Variants in COL28A1 observed in about 807,000 individuals in gnomAD.
The protein encoded by COL28A1 is collagen alpha-1(XXVIII) chain.
A neutral mutation model predicts 150.2 loss-of-function variants in COL28A1; 161 were observed. The ratio of observed to expected loss-of-function variants is 1.07; its 90% confidence interval spans 0.94 to 1.22. COL28A1 has a LOEUF of 1.22. Ranked by LOEUF, COL28A1 falls within the 50% of genes most tolerant of loss-of-function variation. The pLI is 0.00. For synonymous variants in COL28A1, 552 were observed against 469.7 expected, an observed-to-expected ratio of 1.18 and a Z score of -2.26; for missense variants, 1,617 against 1,388.3, an observed-to-expected ratio of 1.16 and a Z score of -2.62.
chr7:7,447,074 A>C (rs1786319621), intron 18 of COL28A1, among the ~76,000 whole-genome samples: 1 of 152,194 alleles, frequency 6.6e-6, no homozygotes, highest in Non-Finnish European at 1.5e-5. Flanking sequence ...TGAGGGCATA[A>C]ATTGGAGTTC....
At chr7:7,453,645 G>A in intron 16 of COL28A1, 137 bp from the exon 17 acceptor site, 2 of 610,336 alleles carry the variant, frequency 3.3e-6, no homozygotes, top group East Asian at 3.1e-5. Flanking sequence ...GCCAGGGGCT[G>A]CTAGTTAAAC....
intron 11 of COL28A1, among the ~76,000 whole-genome samples, chr7:7,501,394 T>C (rs1344545857): frequency 6.6e-6 from 1 of 152,208 alleles, no homozygotes; most frequent in East Asian, 1.9e-4. Context: ...GAAGCTCTAA[T>C]GCTGGGGTAC....
chr7:7,533,871 T>C lies in COL28A1; in HGVS notation c.-37-959A>G, dbSNP rs567983796. ...GCTTATTTCGAATCAATACTTAGTATGGCTTAAAAATGCTTGCCTGCTGAA... is the reference window on the plus strand; with the variant it reads ...GCTTATTTCGAATCAATACTTAGTACGGCTTAAAAATGCTTGCCTGCTGAA... On this transcript the variant is annotated intron_variant, in intron 1 of 34. Coordinates refer to ENST00000399429, the MANE Select transcript of COL28A1 (RefSeq NM_001037763.3). Among the ~76,000 whole-genome samples the C allele has an allele frequency of 9.8e-5, 15 of 152,314 alleles. No homozygotes were observed. The South Asian group carries it at 2.5e-3, about 25-fold the overall frequency.
intron 33 of COL28A1, among the ~76,000 whole-genome samples, chr7:7,362,501 G>C (rs898707790): frequency 2.0e-5 from 3 of 151,750 alleles, no homozygotes; most frequent in African/African-American, 7.3e-5. Context: ...GATTTTTTTT[G>C]TGTGTGCATG....
chr7:7,524,635 A>C (rs1781922154), intron 3 of COL28A1, among the ~76,000 whole-genome samples: 1 of 152,164 alleles, frequency 6.6e-6, no homozygotes, highest in African/African-American at 2.4e-5. Context: ...GTATATTTTC[A>C]ATTTTTTCCA....
chr7:7,417,060 C>T (rs749279184), intron 27 of COL28A1, among the ~76,000 whole-genome samples: 6 of 151,508 alleles, frequency 4.0e-5, no homozygotes, highest in Non-Finnish European at 8.8e-5. Flanking sequence ...GCAGTGGAAT[C>T]GGAAAAAAAG....
chr7:7,411,634 C>T (rs1241112281), intron 27 of COL28A1, among the ~76,000 whole-genome samples: 1 of 152,146 alleles, frequency 6.6e-6, no homozygotes, highest in African/African-American at 2.4e-5. Flanking sequence ...ATTCTCTGGC[C>T]CTGGCTTTGC....
At chr7:7,469,555 A>G (rs1658206844) in intron 15 of COL28A1, among the ~76,000 whole-genome samples, 1 of 93,034 alleles carries the variant, frequency 1.1e-5, no homozygotes. Flanking sequence ...TACAGATTCA[A>G]TGCCATCCCC....
At chr7:7,380,475 T>C (rs1261629247) in intron 30 of COL28A1, among the ~76,000 whole-genome samples, 185 bp downstream of exon 30, 2 of 152,122 alleles carry the variant, frequency 1.3e-5, no homozygotes, top group East Asian at 3.9e-4. Flanking sequence ...GTTTTATCTC[T>C]CCCCTCATAG....
intron 21 of COL28A1, among the ~76,000 whole-genome samples, chr7:7,437,983 C>A (rs1785466701): frequency 6.9e-6 from 1 of 144,350 alleles, no homozygotes; most frequent in African/African-American, 2.8e-5. Flanking sequence ...ACCTGTAATC[C>A]CAGCCTTTGG....
the COL28A1 span, among the ~76,000 whole-genome samples, chr7:7,339,532 T>A: frequency 6.6e-6 from 1 of 152,154 alleles, no homozygotes; most frequent in African/African-American, 2.4e-5. Context: ...GGCAGACTTC[T>A]CTTTGATTTT....
chr7:7,363,325 G>A (rs1002824145), intron 33 of COL28A1, among the ~76,000 whole-genome samples: 1 of 152,038 alleles, frequency 6.6e-6, no homozygotes, highest in Admixed American at 6.5e-5. Flanking sequence ...GCTTAGGAAT[G>A]TGTGTTTCCA....
At chr7:7,448,438 A>C (rs540038893) in intron 18 of COL28A1, among the ~76,000 whole-genome samples, 1 of 152,162 alleles carries the variant, frequency 6.6e-6, no homozygotes, top group Admixed American at 6.5e-5. Flanking sequence ...TGCACACTAT[A>C]ATTCTATAAC....
At chr7:7,405,792 T>C (rs574518782) in intron 27 of COL28A1, among the ~76,000 whole-genome samples, 3 of 152,266 alleles carry the variant, frequency 2.0e-5, no homozygotes, top group East Asian at 3.9e-4. Flanking sequence ...TGTAACAATA[T>C]TGCATAATGA....
At chr7:7,392,461 C>T (rs1782602134) in intron 27 of COL28A1, among the ~76,000 whole-genome samples, 1 of 152,070 alleles carries the variant, frequency 6.6e-6, no homozygotes. Flanking sequence ...CTTGGGGTTG[C>T]TCTTCTCGAG....
At chr7:7,438,913 G>T (rs1785545872) in intron 21 of COL28A1, among the ~76,000 whole-genome samples, 2 of 152,058 alleles carry the variant, frequency 1.3e-5, no homozygotes, top group South Asian at 4.2e-4. Flanking sequence ...CTTCCATTTT[G>T]CCTCTTGGGC....
intron 27 of COL28A1, among the ~76,000 whole-genome samples, chr7:7,402,745 T>C (rs1026922920): frequency 1.3e-5 from 2 of 152,186 alleles, no homozygotes; most frequent in African/African-American, 4.8e-5. Flanking sequence ...TTTAAGGGAA[T>C]GTGGATGGAG....
At chr7:7,511,706 G>A (rs1346830903) in intron 8 of COL28A1, 1 of 470,228 alleles carries the variant, frequency 2.1e-6, no homozygotes, top group Admixed American at 2.4e-5. Context: ...GTTCTGAAGT[G>A]AGATTGCATC....
At chr7:7,420,323 A>T (rs1018204916) in intron 25 of COL28A1, 4 of 155,014 alleles carry the variant, frequency 2.6e-5, no homozygotes, top group African/African-American at 7.2e-5. Flanking sequence ...GTATGCAACA[A>T]AGATTATGCT....
Sources: allele counts gnomAD v4.1 joint callset (sites outside exome capture counted in the v4.1 genomes callset), GRCh38; gene constraint gnomAD v4.1.1; transcripts MANE v1.5; gene names NCBI Gene and HGNC (gene_info 2026-07-23, HGNC 2026-07-21).